Variants in STAG1 observed in about 807,000 individuals in gnomAD.
STAG1 encodes STAG1 cohesin complex component.
STAG1 carries 26 observed loss-of-function variants against 170.9 expected under a neutral mutation model. The ratio of observed to expected loss-of-function variants is 0.15; its 90% confidence interval spans 0.11 to 0.21. STAG1 has a LOEUF of 0.21. STAG1 is among the 10% of genes least tolerant of loss of function. The probability of loss-of-function intolerance (pLI) is 1.00; values close to 1 mark genes in which losing one functional copy is unlikely to be tolerated. For missense variants in STAG1, 964 were observed against 1,509.5 expected, an observed-to-expected ratio of 0.64 and a Z score of 5.99; for synonymous variants, 514 against 497.7, an observed-to-expected ratio of 1.03 and a Z score of -0.44.
chr3:136,385,316 T>TA (rs1023025344), intron 22 of STAG1, among the ~76,000 whole-genome samples: 2 of 151,992 alleles, frequency 1.3e-5, no homozygotes, highest in Admixed American at 6.5e-5. Flanking sequence ...GACATGCACC[T>TA]ATAGTCCCAG....
At chr3:136,589,223 G>A (rs1348725528) in intron 4 of STAG1, among the ~76,000 whole-genome samples, 1 of 152,166 alleles carries the variant, frequency 6.6e-6, no homozygotes, top group Non-Finnish European at 1.5e-5. Context: ...TCAAGGCCGG[G>A]CGCAGTGGCA....
At chr3:136,346,884 A>G (rs1285498643) in intron 29 of STAG1, among the ~76,000 whole-genome samples, 1 of 152,174 alleles carries the variant, frequency 6.6e-6, no homozygotes, top group African/African-American at 2.4e-5. Flanking sequence ...GGATCGCTTG[A>G]GTCCAGGAGT....
intron 3 of STAG1, among the ~76,000 whole-genome samples, chr3:136,621,561 C>CA (rs1280227028): frequency 6.6e-6 from 1 of 152,126 alleles, no homozygotes; most frequent in Non-Finnish European, 1.5e-5. Context: ...AATACTTCTA[C>CA]AAATGAAGAA....
chr3:136,464,468 G>GA (rs981584619), intron 13 of STAG1, among the ~76,000 whole-genome samples: 3 of 151,172 alleles, frequency 2.0e-5, no homozygotes, highest in South Asian at 2.1e-4. Context: ...TGGAAAGAAT[G>GA]AAAAAAAATG....
chr3:136,679,346 G>A (rs976464728), intron 1 of STAG1, among the ~76,000 whole-genome samples: 6 of 151,956 alleles, frequency 3.9e-5, no homozygotes, highest in Admixed American at 1.3e-4. Flanking sequence ...TTGGGAGGCC[G>A]AGGCGGATGG....
At chr3:136,362,616 A>G (rs1351774018) in intron 26 of STAG1, among the ~76,000 whole-genome samples, 2 of 150,396 alleles carry the variant, frequency 1.3e-5, no homozygotes, top group East Asian at 1.9e-4. Context: ...AAAAAAAAAA[A>G]AAAAAAGAAA....
chr3:136,486,814 A>G (rs1014669074), intron 9 of STAG1, among the ~76,000 whole-genome samples: 2 of 152,110 alleles, frequency 1.3e-5, no homozygotes, highest in Non-Finnish European at 2.9e-5. Context: ...AACAGGCTAG[A>G]GAACAACCAG....
chr3:136,506,645 C>CAAAAAAAAAAAAAAAAAA, intron 7 of STAG1, among the ~76,000 whole-genome samples: 1 of 46,532 alleles, frequency 2.1e-5, no homozygotes, highest in Non-Finnish European at 4.6e-5. Context: ...GACTCCACCT[C>CAAAAAAAAAAAAAAAAAA]AAAAAAAAAA....
chr3:136,475,501 C>CAA (rs1181733413), intron 10 of STAG1, among the ~76,000 whole-genome samples: 6 of 152,078 alleles, frequency 3.9e-5, no homozygotes, highest in African/African-American at 1.2e-4. Context: ...CAAAAATCCC[C>CAA]AACTCAGGCT....
chr3:136,478,182 T>C (rs1378288066), intron 9 of STAG1, among the ~76,000 whole-genome samples: 4 of 152,206 alleles, frequency 2.6e-5, no homozygotes, highest in South Asian at 2.1e-4. Flanking sequence ...TCTGTAATAA[T>C]ATATTTTTTA....
chr3:136,736,794 C>T (rs1420679212), intron 1 of STAG1: 14 of 1,589,342 alleles, frequency 8.8e-6, no homozygotes, highest in Non-Finnish European at 1.2e-5. Flanking sequence ...AGCTCAGGAT[C>T]ATCCTCCTCT....
intron 3 of STAG1, among the ~76,000 whole-genome samples, chr3:136,612,458 T>C (rs936050868): frequency 1.3e-5 from 2 of 151,692 alleles, no homozygotes; most frequent in African/African-American, 4.8e-5. Flanking sequence ...AATAAAAAAA[T>C]TTATCAATTG....
chr3:136,685,782 G>A (rs1387741674), intron 1 of STAG1, among the ~76,000 whole-genome samples: 5 of 152,158 alleles, frequency 3.3e-5, no homozygotes, highest in Non-Finnish European at 2.9e-5. Flanking sequence ...GGGTTGGGGG[G>A]ACTAGTATGC....
chr3:136,675,019 C>T (rs1652897599), intron 1 of STAG1, among the ~76,000 whole-genome samples: 1 of 152,142 alleles, frequency 6.6e-6, no homozygotes, highest in Non-Finnish European at 1.5e-5. Context: ...ATTAAGACTA[C>T]TGAAATGTTC....
chr3:136,556,103 T>G, intron 5 of STAG1, among the ~76,000 whole-genome samples: 1 of 152,146 alleles, frequency 6.6e-6, no homozygotes, highest in Non-Finnish European at 1.5e-5. Context: ...TCTGTAAACC[T>G]AAAACTGCTC....
At chr3:136,585,578 CAGAG>C (rs1476046530) in intron 4 of STAG1, among the ~76,000 whole-genome samples, 2 of 151,628 alleles carry the variant, frequency 1.3e-5, no homozygotes, top group Admixed American at 1.3e-4. Context: ...GCCTGGGTGA[CAGAG>C]TGAGACTCAA....
intron 22 of STAG1, among the ~76,000 whole-genome samples, chr3:136,384,205 C>T (rs1418164983): frequency 6.6e-6 from 1 of 151,844 alleles, no homozygotes; most frequent in Non-Finnish European, 1.5e-5. Context: ...AATCTTAGCA[C>T]TTTGGGAGGC....
intron 1 of STAG1, among the ~76,000 whole-genome samples, chr3:136,645,716 T>A (rs1462592600): frequency 1.3e-5 from 2 of 152,100 alleles, no homozygotes; most frequent in African/African-American, 4.8e-5. Flanking sequence ...AGAGAAATAG[T>A]CTCCTACACT....
intron 22 of STAG1, among the ~76,000 whole-genome samples, chr3:136,396,458 T>C (rs1378351569): frequency 6.8e-6 from 1 of 147,598 alleles, no homozygotes; most frequent in Non-Finnish European, 1.5e-5. Flanking sequence ...CCTGACCTTG[T>C]GATCCGCCCA....
Sources: allele counts gnomAD v4.1 joint callset (sites outside exome capture counted in the v4.1 genomes callset), GRCh38; gene constraint gnomAD v4.1.1; transcripts MANE v1.5; gene names NCBI Gene and HGNC (gene_info 2026-07-23, HGNC 2026-07-21).